The following DLG5 variants were observed in gnomAD, a reference collection of about 807,000 sequenced individuals.
DLG5 encodes the protein disks large homolog 5.
DLG5 carries 48 observed loss-of-function variants against 189.8 expected under a neutral mutation model. The ratio of observed to expected loss-of-function variants is 0.25; its 90% CI spans 0.20 to 0.32. DLG5 has a LOEUF of 0.32. Among genes scored for constraint, DLG5 ranks in the 10% least tolerant of loss-of-function variants. The pLI is 1.00. For missense variants in DLG5, 2,160 were observed against 2,544.7 expected, an observed-to-expected ratio of 0.85 and a Z score of 3.25; for synonymous variants, 1,016 against 1,054.1, an observed-to-expected ratio of 0.96 and a Z score of 0.70.
At chr10:77,823,560 C>T (rs547777033) in intron 14 of DLG5, among the ~76,000 whole-genome samples, 4 of 146,680 alleles carry the variant, frequency 2.7e-5, no homozygotes, top group South Asian at 4.3e-4. Context: ...GACAGAGGTT[C>T]GCTCTTATTG....
Position 77,824,126 on chromosome 10 carries a change from A to G in DLG5, c.2382+258T>C, listed in dbSNP as rs11002304. 2.7e-3 allele frequency among the ~76,000 whole-genome samples: 410 copies of G among 152,340 alleles called. 2 individuals are homozygous for G. The highest frequency in any genetic ancestry group is 9.1e-3 in the African/African-American group (380 of 41,582). On this transcript the variant is annotated intron_variant, in intron 14 of 31. Transcript: ENST00000372391. ...CCCCAATGCCATCATCATACCTAGGAAAACTGGCAACAATTCCCTAAGATC... is the reference window on the plus strand; with the variant it reads ...CCCCAATGCCATCATCATACCTAGGGAAACTGGCAACAATTCCCTAAGATC...
At chr10:77,835,622 T>A (rs1476387656) in intron 8 of DLG5, 116 bp downstream of exon 8, 15 of 1,110,190 alleles carry the variant, frequency 1.4e-5, no homozygotes, top group Non-Finnish European at 1.7e-5. Flanking sequence ...GGAGCCCAGG[T>A]CCCTCCCACT....
chr10:77,808,190 G>GA (rs1265853424), intron 24 of DLG5, among the ~76,000 whole-genome samples: 4 of 152,224 alleles, frequency 2.6e-5, no homozygotes, highest in Admixed American at 6.5e-5. Context: ...GCTTATCCAG[G>GA]AAAAACCCTG....
chr10:77,792,667 C>T lies in DLG5; in HGVS notation c.5657-124G>A, dbSNP rs1055492696. 3.6e-6 allele frequency: 3 copies of T among 834,920 alleles called. No individual in the cohort carries two copies. The African/African-American group carries it at 5.1e-5, about 14-fold the overall frequency. The allele number at this position is 834,920 out of a possible 1,614,324, so 51.7% of individuals were successfully genotyped here. On this transcript the variant is annotated intron_variant, in intron 31 of 31. Coordinates refer to ENST00000372391, the MANE Select transcript of DLG5 (RefSeq NM_004747.4). ...CTGCTTTGTGCTCCTTGGCACTCTG[C>T]TCCATCCCCACCTGACTCTCCTTCA...
At chr10:77,877,163 T>C (rs1426086222) in intron 1 of DLG5, among the ~76,000 whole-genome samples, 2 of 151,890 alleles carry the variant, frequency 1.3e-5, no homozygotes, top group Non-Finnish European at 2.9e-5. Context: ...TCCCCTCCCT[T>C]CCCCACCCAA....
chr10:77,795,444 T>C (rs952411696), intron 29 of DLG5, among the ~76,000 whole-genome samples: 2 of 152,062 alleles, frequency 1.3e-5, no homozygotes, highest in African/African-American at 4.8e-5. Context: ...AAGTAGAGTT[T>C]GCCCACTTTC....
At chr10:77,940,455 T>C in the DLG5 span, among the ~76,000 whole-genome samples, 1 of 152,214 alleles carries the variant, frequency 6.6e-6, no homozygotes, top group Non-Finnish European at 1.5e-5. Flanking sequence ...AATGGGACCA[T>C]AATTTTGGAC....
At position 77,807,819 on chromosome 10, in the gene DLG5, C is replaced by T; in HGVS notation, c.4773G>A (p.Leu1591=). The change falls in exon 25 of 32, where the codon CTG becomes CTA. Residue 1591 remains leucine, a synonymous_variant. Transcript: ENST00000372391. ...ACCTGATGTAGAAGCTGTCACCAGG[C>T]AGGCCCTTGGCCTTCGTGAACTCCT... The part of the protein sequence containing the change: ...RPEEFTKAKG[L]PGDSFYIRAL... The T allele has an allele frequency of 6.2e-7, 1 of 1,614,006 alleles. No homozygotes were observed.
In DLG5 at chr10:77,842,185, G is replaced by A. The variant is rs1391008248; in HGVS notation, c.1133C>T (p.Ala378Val). ...QCALSLRRFEAIHHELNKATA... is the reference protein window; with the variant it reads ...QCALSLRRFEVIHHELNKATA... ...GGCCTTGTTCAGCTCATGGTGGATC[G>A]CCTCAAACCTGGCAAGAGAGGTGGC... The change falls in exon 7 of 32, where the codon GCG becomes GTG. Residue 378 changes from alanine to valine, a missense_variant. Ala to Val is a moderately conservative substitution (Grantham distance 64). This residue lies in a region of DLG5 where 664 missense variants were observed against 838.5 expected (regional missense o/e 0.79). Transcript: ENST00000372391. 3.1e-6 allele frequency: 5 copies of A among 1,600,720 alleles called. No homozygotes were observed. Among genetic ancestry groups the A allele is most frequent in the African/African-American group, 2.7e-5 (2 of 75,020 alleles).
In DLG5 at chr10:77,917,765, G is replaced by A. The variant is rs1040004878; in HGVS notation, c.304+8452C>T. Among the ~76,000 whole-genome samples, 9 of 152,112 alleles carry A rather than the reference G, an allele frequency of 5.9e-5. No homozygotes were observed. The East Asian group carries it at 1.5e-3, about 26-fold the overall frequency. ...ATGCTGGCTGGGCGCAGTGGCTCAC[G>A]CCTGTAATCCCAGCACTTTGGGAGG... On this transcript the variant is annotated intron_variant, in intron 1 of 31. Coordinates refer to ENST00000372391, the MANE Select transcript of DLG5 (RefSeq NM_004747.4).
rs115770737 is a variant in DLG5 at position 77,925,028 on chromosome 10, G to C, written c.304+1189C>G. 6.9e-3 allele frequency among the ~76,000 whole-genome samples: 1,044 copies of C among 152,262 alleles called. 13 individuals carry two copies. The highest frequency in any genetic ancestry group is 0.023 in the African/African-American group (955 of 41,552). On this transcript the variant is annotated intron_variant, in intron 1 of 31. Transcript: ENST00000372391. ...GTTTCTCAGCCCTCTCGGTTCACTT[G>C]TTTTTCTTTTATACATATATCCTTA...
chr10:77,914,597 C>T (rs901016945), intron 1 of DLG5, among the ~76,000 whole-genome samples: 2 of 152,122 alleles, frequency 1.3e-5, no homozygotes, highest in African/African-American at 4.8e-5. Context: ...TCTCCAGTCC[C>T]GCAGCCTTGC....
upstream of DLG5, among the ~76,000 whole-genome samples, chr10:77,930,693 T>C (rs992465889): frequency 7.3e-5 from 11 of 151,618 alleles, no homozygotes; most frequent in Admixed American, 5.3e-4. Flanking sequence ...AGTCTTGCTC[T>C]GTCACCCAGG....
At chr10:77,805,885 G>A (rs1841445899) in intron 26 of DLG5, 24 bp from the exon 27 acceptor site, 1 of 1,594,786 alleles carries the variant, frequency 6.3e-7, no homozygotes, top group Non-Finnish European at 8.6e-7. Flanking sequence ...GACAATGCTG[G>A]GCAGGGCCAT....
At chr10:77,882,171 A>C (rs1270853360) in intron 1 of DLG5, among the ~76,000 whole-genome samples, 1 of 152,212 alleles carries the variant, frequency 6.6e-6, no homozygotes, top group African/African-American at 2.4e-5. Context: ...GACCCCTGCC[A>C]TAGGGCGGGA....
Position 77,817,048 on chromosome 10 carries a change from G to A in DLG5, c.3833C>T (p.Ser1278Leu). 1 of 1,614,206 alleles carries A rather than the reference G, an allele frequency of 6.2e-7. No individual in the cohort carries two copies. ...QFKAERIKIPSTPRYPRSVVG... is the reference protein window; with the variant it reads ...QFKAERIKIPLTPRYPRSVVG... ...GACACTCCGCGGATATCTTGGTGTTGATGGGATTTTAATGCGTTCCGCCTT... is the reference window on the plus strand; with the variant it reads ...GACACTCCGCGGATATCTTGGTGTTAATGGGATTTTAATGCGTTCCGCCTT... Residue 1278 changes from serine (S) to leucine (L), a missense_variant, in exon 19 of 32, where the codon TCA (serine) becomes TTA (leucine). Around this residue, in one of 5 missense-constraint regions of DLG5, gnomAD observed 754 missense variants for 746.5 expected, o/e 1.01. Transcript: ENST00000372391.
chr10:77,935,661 G>A, the DLG5 span, among the ~76,000 whole-genome samples: 1 of 152,222 alleles, frequency 6.6e-6, no homozygotes, highest in Non-Finnish European at 1.5e-5. Context: ...TAGCGCATGC[G>A]TGTGCACACA....
chr10:77,861,545 C>T (rs1043020838), intron 2 of DLG5, among the ~76,000 whole-genome samples: 1 of 152,188 alleles, frequency 6.6e-6, no homozygotes, highest in Non-Finnish European at 1.5e-5. Flanking sequence ...TCTCAGTCTA[C>T]AGCCATGAGG....
In DLG5 at chr10:77,821,483, G is replaced by C; in HGVS notation, c.3001C>G (p.Pro1001Ala). Residue 1001 changes from proline (P) to alanine (A), a missense_variant, in exon 15 of 32, where the codon CCC becomes GCC. By Grantham distance (27) the Pro-to-Ala change is conservative. Around this residue, in one of 5 missense-constraint regions of DLG5, gnomAD observed 754 missense variants for 746.5 expected, o/e 1.01. Coordinates refer to ENST00000372391, the MANE Select transcript of DLG5 (RefSeq NM_004747.4). ...GGCCCCGCCCTCTTGGAGGGCTGGG[G>C]AGAGTGAGCAGGCCCAGGACCTGGA... ...LLPGPGPAHS[P>A]QPSKRAGPLT... is the part of the protein sequence containing the mutation. The C allele has an allele frequency of 6.2e-7, 1 of 1,612,914 alleles. No homozygotes were observed. The highest frequency in any genetic ancestry group is 8.5e-7 in the Non-Finnish European group (1 of 1,179,972).
Sources: allele counts gnomAD v4.1 joint callset (sites outside exome capture counted in the v4.1 genomes callset), GRCh38; gene constraint gnomAD v4.1.1; regional missense constraint gnomAD v4.1.1; transcripts MANE v1.5; gene names NCBI Gene and HGNC (gene_info 2026-07-23, HGNC 2026-07-21).